SAP18: variants seen among roughly 807,000 people sequenced by gnomAD.
The protein encoded by SAP18 is histone deacetylase complex subunit SAP18.
In SAP18, 4 loss-of-function variants were observed where a neutral mutation model predicts 18.6. The ratio of observed to expected loss-of-function variants is 0.21; its 90% CI spans 0.11 to 0.49. The LOEUF (loss-of-function observed/expected upper bound fraction) is 0.49. Ranked by LOEUF, SAP18 falls within the 20% of genes least tolerant of loss-of-function variation. SAP18 has a pLI of 0.98. For missense variants in SAP18, 170 were observed against 226.4 expected (o/e 0.75, Z 1.60); for synonymous variants, 112 against 82.8 (o/e 1.35, Z -1.92).
At position 21,140,578 on chromosome 13, in the gene SAP18, A is replaced by G. The variant is rs530592109; in HGVS notation, c.26A>G (p.Gln9Arg). The G allele has an allele frequency of 3.5e-5, 56 of 1,605,268 alleles. No homozygotes were observed. The highest frequency in any genetic ancestry group is 1.7e-4 in the Middle Eastern group (1 of 6,056). ...ATGCTCGCTGCAGGGGTCGGAGGTC[A>G]GGGCGAGCGTCTCGCAGGCCGTAGG... Residue 9 changes from glutamine to arginine, a missense_variant, in exon 1 of 4, where the codon CAG (glutamine) becomes CGG (arginine). Transcript: ENST00000621421.
chr13:21,146,245 G>A (rs1447179425), intron 2 of SAP18, among the ~76,000 whole-genome samples: 1 of 152,178 alleles, frequency 6.6e-6, no homozygotes, highest in Admixed American at 6.5e-5. Context: ...TACTCAGGAG[G>A]CTGAGGCAGG....
chr13:21,140,145 A>G (rs1869386770), upstream of SAP18, among the ~76,000 whole-genome samples: 1 of 152,174 alleles, frequency 6.6e-6, no homozygotes, highest in Admixed American at 6.5e-5. Context: ...GTGTGGCTGG[A>G]AGGATCGCTC....
rs76402911 is a variant in SAP18, at chr13:21,146,959, T to G, written c.362+32T>G. The G allele has an allele frequency of 2.0e-3, 3,218 of 1,586,872 alleles. 53 individuals carry two copies. In the East Asian group the frequency reaches 0.042, roughly 21 times the overall value. ...AACTTCTCATTTTTAAGTCCTGTAA[T>G]CTCTTTGTTTTTAGTATGTTTTAAC... On this transcript the variant is annotated intron_variant, in intron 3 of 3. Coordinates refer to ENST00000621421, the Ensembl canonical transcript of SAP18.
At chr13:21,140,409 C>T, upstream of SAP18, 6 of 879,856 alleles carry the variant, frequency 6.8e-6, no homozygotes, top group Non-Finnish European at 1.0e-5. Context: ...ACGTCAGCAC[C>T]CGCCTTTTCC....
chr13:21,144,029 A>G (rs928983020), intron 2 of SAP18, among the ~76,000 whole-genome samples: 1 of 152,208 alleles, frequency 6.6e-6, no homozygotes, highest in Admixed American at 6.5e-5. Context: ...GTGGAAGTCC[A>G]GAGGAGCCCA....
At chr13:21,140,858 C>A in intron 1 of SAP18, 28 bp from the exon 2 acceptor site, 1 of 1,599,018 alleles carries the variant, frequency 6.3e-7, no homozygotes, top group Non-Finnish European at 8.6e-7. Context: ...TTTTTAACTT[C>A]TGCCCTTCCG....
exon 2 of SAP18, chr13:21,140,963 T>C (rs1869444544): frequency 6.2e-7 from 1 of 1,612,884 alleles, no homozygotes; most frequent in African/African-American, 1.3e-5. Context: ...CCCGGGGAAA[T>C]GTACCGTCCA....
At chr13:21,144,896 T>G (rs1869594428) in intron 2 of SAP18, among the ~76,000 whole-genome samples, 1 of 152,150 alleles carries the variant, frequency 6.6e-6, no homozygotes, top group Non-Finnish European at 1.5e-5. Flanking sequence ...ATTGAAAATA[T>G]TTTTAGAAAG....
chr13:21,140,400 C>A (rs1869399966), upstream of SAP18: 1 of 766,440 alleles, frequency 1.3e-6, no homozygotes, highest in Admixed American at 2.9e-5. Flanking sequence ...TCCCCGCGGA[C>A]GTCAGCACCC....
chr13:21,140,864 T>C (rs202209747), intron 1 of SAP18, 22 bp from the exon 2 acceptor site: 229 of 1,603,894 alleles, frequency 1.4e-4, no homozygotes, highest in Non-Finnish European at 1.9e-4. Flanking sequence ...ACTTCTGCCC[T>C]TCCGTTTTCT....
chr13:21,149,001 G>A (rs868785628), exon 4 of SAP18: 6 of 152,222 alleles, frequency 3.9e-5, no homozygotes, highest in Middle Eastern at 6.8e-3. Context: ...TTTACCTCTG[G>A]CTTTGGTAAG....
At chr13:21,144,729 A>G (rs901282555) in intron 2 of SAP18, among the ~76,000 whole-genome samples, 1 of 152,186 alleles carries the variant, frequency 6.6e-6, no homozygotes, top group Non-Finnish European at 1.5e-5. Context: ...CCTGTCCTCA[A>G]GCTTCTGACT....
exon 4 of SAP18, chr13:21,147,361 T>C (rs747652682): frequency 2.5e-6 from 4 of 1,591,352 alleles, no homozygotes; most frequent in Non-Finnish European, 3.4e-6. Flanking sequence ...TACTATTTGT[T>C]GAATTTATTT....
upstream of SAP18, among the ~76,000 whole-genome samples, chr13:21,140,239 A>G (rs1345723154): frequency 2.0e-5 from 3 of 152,184 alleles, no homozygotes; most frequent in East Asian, 5.8e-4. Context: ...AGAAAGATCT[A>G]TATTTTGCTA....
chr13:21,144,858 C>T (rs960481929), intron 2 of SAP18, among the ~76,000 whole-genome samples: 1 of 151,988 alleles, frequency 6.6e-6, no homozygotes, highest in Non-Finnish European at 1.5e-5. Context: ...TGATATAAAT[C>T]CCCCAAATTA....
exon 4 of SAP18, chr13:21,148,563 C>CT: frequency 6.6e-6 from 1 of 152,106 alleles, no homozygotes; most frequent in Non-Finnish European, 1.5e-5. Context: ...CATTTAAAAT[C>CT]TGATGATTCT....
chr13:21,140,530 T>G, exon 1 of SAP18: 8 of 1,563,436 alleles, frequency 5.1e-6, no homozygotes, highest in Non-Finnish European at 6.9e-6. Flanking sequence ...GTCGAGCTTC[T>G]CCTCGCGAGA....
chr13:21,146,997 C>G (rs1869673567), intron 3 of SAP18, 70 bp downstream of exon 3: 4 of 1,501,358 alleles, frequency 2.7e-6, no homozygotes, highest in African/African-American at 1.4e-5. Context: ...ATACAGATAA[C>G]TCCTTCAATG....
upstream of SAP18, among the ~76,000 whole-genome samples, chr13:21,140,268 T>C (rs1304728391): frequency 6.6e-6 from 1 of 152,176 alleles, no homozygotes; most frequent in Non-Finnish European, 1.5e-5. Context: ...ACGCTTTGTG[T>C]CCAATAAGGT....
Sources: allele counts gnomAD v4.1 joint callset (sites outside exome capture counted in the v4.1 genomes callset), GRCh38; gene constraint gnomAD v4.1.1; transcripts MANE v1.5; gene names NCBI Gene and HGNC (gene_info 2026-07-23, HGNC 2026-07-21).